Variants in FAM187B observed in about 807,000 individuals in gnomAD.
The protein encoded by FAM187B is family with sequence similarity 187 member B.
Under a neutral mutation model 22.6 loss-of-function variants are expected in FAM187B, and 22 were observed. The ratio of observed to expected loss-of-function variants is 0.97; its 90% CI spans 0.70 to 1.39. FAM187B has a LOEUF of 1.39. FAM187B is among the 40% of genes most tolerant of loss of function. The pLI is 0.00. For synonymous variants in FAM187B, 192 were observed against 201.8 expected (o/e 0.95, Z 0.41); for missense variants, 433 against 462.1 (o/e 0.94, Z 0.58).
intron 1 of FAM187B, among the ~76,000 whole-genome samples, chr19:35,226,455 C>G (rs1352368795): frequency 6.6e-6 from 1 of 151,998 alleles, no homozygotes; most frequent in Admixed American, 6.6e-5. Context: ...AGAGCAAGAC[C>G]CTGTCTCTAA....
At position 35,224,968 on chromosome 19, in the gene FAM187B, G is replaced by A. The variant is rs2065656781; in HGVS notation, c.967C>T (p.Leu323=). 1 of 1,613,826 alleles carries A rather than the reference G, an allele frequency of 6.2e-7. No individual in the cohort carries two copies. The highest frequency in any genetic ancestry group is 8.5e-7 in the Non-Finnish European group (1 of 1,179,978). ...AGCACGGAGTCCGCCCTGCCCCGCA[G>A]GGCCTTCCTTGCCTCCCGCCACTGG... The part of the protein sequence containing the change: ...DAQWREARKA[L]RGRADSVLKG... Residue 323 remains leucine, a synonymous_variant, in exon 2 of 2, where the codon CTG becomes TTG. Coordinates refer to ENST00000324675, the MANE Select transcript of FAM187B (RefSeq NM_152481.2).
At position 35,228,385 on chromosome 19, in the gene FAM187B, T is replaced by C. The variant is rs1683211703; in HGVS notation, c.296A>G (p.Asn99Ser). Residue 99 changes from asparagine to serine, a missense_variant, in exon 1 of 2, where the codon AAT becomes AGT. Coordinates refer to ENST00000324675, the MANE Select transcript of FAM187B (RefSeq NM_152481.2). ...TTCATACTGCACCACTTGGCGGCCA[T>C]TCTTGTTCCAGCAGTGGTAGAGGCC... The part of the protein sequence containing the change: ...QTGLYHCWNK[N>S]GRQVVQYEID... 1 of 1,614,108 alleles carries C rather than the reference T, an allele frequency of 6.2e-7. No individual in the cohort carries two copies. The highest frequency in any genetic ancestry group is 1.1e-5 in the South Asian group (1 of 91,088).
In FAM187B at chr19:35,228,490, G is replaced by A. The variant is rs200871569; in HGVS notation, c.191C>T (p.Thr64Ile). The A allele has an allele frequency of 3.1e-6, 5 of 1,614,228 alleles. No individual in the cohort carries two copies. In the African/African-American group the frequency reaches 4.0e-5, roughly 13 times the overall value. ...CATATTGGAAATATTGGTGAGGCTGGTGAGCCTGCCCTTCTTGCCTTGTGT... is the reference window on the plus strand; with the variant it reads ...CATATTGGAAATATTGGTGAGGCTGATGAGCCTGCCCTTCTTGCCTTGTGT... ...LFTQGKKGRL[T>I]SLTNISNMEI... The change falls in exon 1 of 2, where the codon ACC becomes ATC. Residue 64 changes from threonine (T) to isoleucine (I), a missense_variant. By Grantham distance (89) the Thr-to-Ile change is moderately conservative. Coordinates refer to ENST00000324675, the MANE Select transcript of FAM187B (RefSeq NM_152481.2).
chr19:35,225,076 A>C lies in FAM187B; in HGVS notation c.859T>G (p.Phe287Val). The change falls in exon 2 of 2, where the codon TTC (phenylalanine) becomes GTC (valine). Residue 287 changes from phenylalanine (F) to valine (V), a missense_variant. Phe to Val is a conservative substitution (Grantham distance 50, BLOSUM62 -1). Coordinates refer to ENST00000324675, the MANE Select transcript of FAM187B (RefSeq NM_152481.2). ...TGGGCCACGAGCTCCTGCTGCACGA[A>C]GCACTTGTAGACGGCCGGCTGGAAA... Reference protein sequence around the residue: ...QVFQPAVYKCFVQQELVAQFK... With the variant: ...QVFQPAVYKCVVQQELVAQFK... 1 of 1,612,400 alleles carries C rather than the reference A, an allele frequency of 6.2e-7. No individual in the cohort carries two copies. The highest frequency in any genetic ancestry group is 1.1e-5 in the South Asian group (1 of 90,904).
In FAM187B at chr19:35,228,540, C is replaced by T. The variant is rs747399304; in HGVS notation, c.141G>A (p.Ser47=). The T allele has an allele frequency of 9.3e-6, 15 of 1,614,076 alleles. No homozygotes were observed. The South Asian group carries it at 9.9e-5, about 11-fold the overall frequency. The part of the protein sequence containing the change: ...GNDILLYCNS[S]GAHWYYLFTQ... Reference sequence around the variant, plus strand: ...TGAATAAATAGTACCAGTGCGCCCCCGAGGAGTTGCAATACAGGAGAATAT... The same window carrying T: ...TGAATAAATAGTACCAGTGCGCCCCTGAGGAGTTGCAATACAGGAGAATAT... Residue 47 remains serine (S), a synonymous_variant, in exon 1 of 2, where the codon TCG becomes TCA. Coordinates refer to ENST00000324675, the MANE Select transcript of FAM187B (RefSeq NM_152481.2).
Position 35,225,095 on chromosome 19 carries a change from C to G in FAM187B, c.840G>C (p.Gln280His). The G allele has an allele frequency of 8.1e-6, 13 of 1,610,116 alleles. No individual in the cohort carries two copies. The highest frequency in any genetic ancestry group is 1.1e-5 in the Non-Finnish European group (13 of 1,177,842). The change falls in exon 2 of 2, where the codon CAG (glutamine) becomes CAC (histidine). Residue 280 changes from glutamine (Q) to histidine (H), a missense_variant. Coordinates refer to ENST00000324675, the MANE Select transcript of FAM187B (RefSeq NM_152481.2). ...GCACGAAGCACTTGTAGACGGCCGG[C>G]TGGAAAACCTGCAGCTGCCTGCCGC... The part of the protein sequence containing the change: ...STGGRQLQVF[Q>H]PAVYKCFVQQ...
At chr19:35,227,686 C>T (rs1163459042) in intron 1 of FAM187B, among the ~76,000 whole-genome samples, 1 of 152,184 alleles carries the variant, frequency 6.6e-6, no homozygotes, top group Non-Finnish European at 1.5e-5. Flanking sequence ...ACTGACCTTT[C>T]CAGATGAAGC....
In FAM187B at chr19:35,227,119, C is replaced by T. The variant is rs188426204; in HGVS notation, c.722+840G>A. Among the ~76,000 whole-genome samples the T allele has an allele frequency of 3.9e-5, 6 of 152,298 alleles. 1 individual carries two copies. In the South Asian group the frequency reaches 8.3e-4, roughly 21 times the overall value. On this transcript the variant is annotated intron_variant, in intron 1 of 1. Transcript: ENST00000324675. ...TAGAAAAAAGGAGGATTCTGCCCAG[C>T]TCACTCAGAGGGACTGAGAGGGAGC...
chr19:35,227,352 T>G (rs1281898551), intron 1 of FAM187B, among the ~76,000 whole-genome samples: 1 of 152,106 alleles, frequency 6.6e-6, no homozygotes, highest in Non-Finnish European at 1.5e-5. Context: ...CCTGAGTAGC[T>G]GGGATTACAG....
In FAM187B at chr19:35,227,986, A is replaced by T; in HGVS notation, c.695T>A (p.Leu232His). The T allele has an allele frequency of 6.2e-7, 1 of 1,613,032 alleles. No homozygotes were observed. Among genetic ancestry groups the T allele is most frequent in the South Asian group, 1.1e-5 (1 of 90,924 alleles). Residue 232 changes from leucine (L) to histidine (H), a missense_variant, in exon 1 of 2, where the codon CTC becomes CAC. By Grantham distance (99) the Leu-to-His change is moderately conservative. Coordinates refer to ENST00000324675, the MANE Select transcript of FAM187B (RefSeq NM_152481.2). ...GTACATGGATCCTAAGGGACAGTCG[A>T]GCCACACAAATTCTGTCTTCTCATC... ...RLDEKTEFVW[L>H]DCPLGSMYRP...
rs2065670070 is a variant in FAM187B, at chr19:35,228,699, C to G, written c.-19G>C. 7 of 1,587,788 alleles carry G rather than the reference C, an allele frequency of 4.4e-6. No homozygotes were observed. The highest frequency in any genetic ancestry group is 5.1e-6 in the Non-Finnish European group (6 of 1,168,996). On this transcript the variant is annotated 5_prime_UTR_variant, in exon 1 of 2. Transcript: ENST00000324675. ...GTGGCATGGTGGACTGGGGCTGTGG[C>G]AGTGGGCTGGTGCCACCCCGAACAT...
rs1453796819 is a variant in FAM187B, at chr19:35,228,213, C to A, written c.468G>T (p.Glu156Asp). 3.7e-6 allele frequency: 6 copies of A among 1,614,214 alleles called. No homozygotes were observed. Among genetic ancestry groups the A allele is most frequent in the Non-Finnish European group, 4.2e-6 (5 of 1,180,020 alleles). ...EPWQDCNRCE[E>D]PGECKRLGYR... ...ACCCCAGGCGTTTACACTCGCCCGG[C>A]TCCTCACAGCGGTTGCAGTCCTGCC... The change falls in exon 1 of 2, where the codon GAG becomes GAT. Residue 156 changes from glutamate to aspartate, a missense_variant. Physicochemically the swap from Glu to Asp is conservative, Grantham distance 45 (BLOSUM62 2). Coordinates refer to ENST00000324675, the MANE Select transcript of FAM187B (RefSeq NM_152481.2).
chr19:35,224,981 C>G lies in FAM187B; in HGVS notation c.954G>C (p.Glu318Asp), dbSNP rs1195256481. 6.2e-7 allele frequency: 1 copy of G among 1,613,874 alleles called. No individual in the cohort carries two copies. Among genetic ancestry groups the G allele is most frequent in the East Asian group, 2.2e-5 (1 of 44,880 alleles). ...QWRENDAQWR[E>D]ARKALRGRAD... ...CCCTGCCCCGCAGGGCCTTCCTTGCCTCCCGCCACTGGGCATCGTTCTCTC... is the reference window on the plus strand; with the variant it reads ...CCCTGCCCCGCAGGGCCTTCCTTGCGTCCCGCCACTGGGCATCGTTCTCTC... The change falls in exon 2 of 2, where the codon GAG becomes GAC. Residue 318 changes from glutamate (E) to aspartate (D), a missense_variant. Glu to Asp is a conservative substitution (Grantham distance 45). Coordinates refer to ENST00000324675, the MANE Select transcript of FAM187B (RefSeq NM_152481.2).
intron 1 of FAM187B, among the ~76,000 whole-genome samples, chr19:35,227,196 A>C (rs985882884): frequency 1.5e-4 from 23 of 152,066 alleles, no homozygotes; most frequent in Admixed American, 1.3e-3. Flanking sequence ...GAAGGGTGAG[A>C]CAATGGATTT....
Position 35,225,161 on chromosome 19 carries a change from G to C in FAM187B, c.774C>G (p.Leu258=). ...GAAAGGTGGTGAAGTCCTGGCCGGA[G>C]AGCTGGCTCTCCCACGTCAGGGGGG... is the stretch of plus-strand genomic sequence containing the variant. ...NDTPLTWESQ[L]SGQDFTTFLD... is the part of the protein sequence containing the mutation. The change falls in exon 2 of 2, where the codon CTC becomes CTG. Residue 258 remains leucine, a synonymous_variant. Coordinates refer to ENST00000324675, the MANE Select transcript of FAM187B (RefSeq NM_152481.2). 1 of 1,553,022 alleles carries C rather than the reference G, an allele frequency of 6.4e-7. No homozygotes were observed. The highest frequency in any genetic ancestry group is 8.7e-7 in the Non-Finnish European group (1 of 1,149,770).
Position 35,225,000 on chromosome 19 carries a change from TTCTCTCTCCAC to T in FAM187B, c.924_934del (p.Trp309ArgfsTer?), listed in dbSNP as rs1463312575. 6.2e-7 allele frequency: 1 copy of T among 1,613,904 alleles called. No individual in the cohort carries two copies. Among genetic ancestry groups the T allele is most frequent in the East Asian group, 2.2e-5 (1 of 44,876 alleles). On this transcript the variant is annotated frameshift_variant, in exon 2 of 2. Coordinates refer to ENST00000324675, the MANE Select transcript of FAM187B (RefSeq NM_152481.2). LOFTEE classifies it low-confidence loss of function (END_TRUNC). ...CCTTGCCTCCCGCCACTGGGCATCG[TTCTCTCTCCAC>T]TGAGCCTCCAGCGTCTCCAGACTGG... is the stretch of plus-strand genomic sequence containing the variant.
Position 35,224,966 on chromosome 19 carries a change from C to G in FAM187B, c.969G>C (p.Leu323=), listed in dbSNP as rs1469639255. The change falls in exon 2 of 2, where the codon CTG becomes CTC. Residue 323 remains leucine, a synonymous_variant. Coordinates refer to ENST00000324675, the MANE Select transcript of FAM187B (RefSeq NM_152481.2). ...DAQWREARKA[L]RGRADSVLKG... ...TGAGCACGGAGTCCGCCCTGCCCCG[C>G]AGGGCCTTCCTTGCCTCCCGCCACT... 6.2e-7 allele frequency: 1 copy of G among 1,613,820 alleles called. No individual in the cohort carries two copies. Among genetic ancestry groups the G allele is most frequent in the South Asian group, 1.1e-5 (1 of 91,086 alleles).
Position 35,228,303 on chromosome 19 carries a change from C to A in FAM187B, c.378G>T (p.Arg126Ser). 2 of 1,614,214 alleles carry A rather than the reference C, an allele frequency of 1.2e-6. No homozygotes were observed. Among genetic ancestry groups the A allele is most frequent in the South Asian group, 2.2e-5 (2 of 91,086 alleles). Residue 126 changes from arginine (R) to serine (S), a missense_variant, in exon 1 of 2, where the codon AGG becomes AGT. Physicochemically the swap from Arg to Ser is moderately radical, Grantham distance 110 (BLOSUM62 -1). Transcript: ENST00000324675. ...LHITHKDLGQ[R>S]PLQNETLHLG... is the part of the protein sequence containing the mutation. The stretch of plus-strand genomic sequence containing the variant: ...AATGCAGGGTCTCGTTCTGCAGGGG[C>A]CTCTGACCCAGGTCCTTGTGTGTTA...
rs1292501711 is a variant in FAM187B at position 35,228,619 on chromosome 19, G to A, written c.62C>T (p.Ser21Phe). 6.2e-7 allele frequency: 1 copy of A among 1,613,882 alleles called. No homozygotes were observed. The highest frequency in any genetic ancestry group is 1.7e-5 in the Admixed American group (1 of 60,022). The stretch of plus-strand genomic sequence containing the variant: ...CTGCTTACCACTGGGGCAGCTGATG[G>A]AAAAGTAGAACCCCAGTGCCGGGGC... ...FAAPALGFYF[S>F]ISCPSGKQCQ... Residue 21 changes from serine (S) to phenylalanine (F), a missense_variant, in exon 1 of 2, where the codon TCC (serine) becomes TTC (phenylalanine). By Grantham distance (155) the Ser-to-Phe change is radical (BLOSUM62 -2). Transcript: ENST00000324675.
Sources: allele counts gnomAD v4.1 joint callset (sites outside exome capture counted in the v4.1 genomes callset), GRCh38; gene constraint gnomAD v4.1.1; transcripts MANE v1.5; gene names NCBI Gene and HGNC (gene_info 2026-07-23, HGNC 2026-07-21).